DLC1: variants seen among roughly 807,000 people sequenced by gnomAD.
DLC1 encodes rho GTPase-activating protein 7.
DLC1 carries 54 observed loss-of-function variants against 140.3 expected under a neutral mutation model. The observed-to-expected ratio is 0.38, with a 90% confidence interval of 0.31 to 0.48. DLC1 has a LOEUF of 0.48. Ranked by LOEUF, DLC1 falls within the 20% of genes least tolerant of loss-of-function variation. The pLI, the probability that DLC1 is intolerant of heterozygous loss-of-function variation, is 0.96. For missense variants in DLC1, 2,536 were observed against 1,907.0 expected (o/e 1.33, Z -6.14); for synonymous variants, 986 against 728.1 (o/e 1.35, Z -5.70).
chr8:13,249,541 G>A (rs906123487), intron 5 of DLC1, among the ~76,000 whole-genome samples: 1 of 151,932 alleles, frequency 6.6e-6, no homozygotes, highest in African/African-American at 2.4e-5. Flanking sequence ...CCTAGCCAAG[G>A]CTCTCTTCAC....
At chr8:13,330,279 G>A (rs1034133121) in intron 4 of DLC1, among the ~76,000 whole-genome samples, 12 of 152,142 alleles carry the variant, frequency 7.9e-5, no homozygotes, top group African/African-American at 2.9e-4. Flanking sequence ...AAATAAGACC[G>A]ATTTTTTGCC....
intron 5 of DLC1, among the ~76,000 whole-genome samples, chr8:13,213,685 C>T (rs1828055165): frequency 6.6e-6 from 1 of 152,056 alleles, no homozygotes; most frequent in South Asian, 2.1e-4. Context: ...TTAGCCATGT[C>T]TGCTGTATGG....
chr8:13,481,228 C>A lies in DLC1; in HGVS notation c.1023+17821G>T, dbSNP rs138788354. ...TCACTTGAGCTCAAGAGTTTGAGACCAGCCTGGGCAATATGACAAAACCCC... is the reference window on the plus strand; with the variant it reads ...TCACTTGAGCTCAAGAGTTTGAGACAAGCCTGGGCAATATGACAAAACCCC... On this transcript the variant is annotated intron_variant, in intron 2 of 17. Coordinates refer to ENST00000276297, the MANE Select transcript of DLC1 (RefSeq NM_182643.3). 7.7e-4 allele frequency among the ~76,000 whole-genome samples: 117 copies of A among 152,216 alleles called. 4 individuals are homozygous for A. In the East Asian group the frequency reaches 0.022, roughly 28 times the overall value.
intron 4 of DLC1, chr8:13,341,841 A>C (rs1671347): frequency 6.6e-6 from 1 of 152,022 alleles, no homozygotes; most frequent in Non-Finnish European, 1.5e-5. Context: ...GCCAAAGTGT[A>C]GGCGATAAAA....
chr8:13,367,598 T>A (rs1241435889), intron 4 of DLC1, among the ~76,000 whole-genome samples: 3 of 152,234 alleles, frequency 2.0e-5, no homozygotes, highest in Non-Finnish European at 4.4e-5. Flanking sequence ...GGGTGTGTTT[T>A]CTTTACATAG....
At chr8:13,439,010 A>G (rs1793774847) in intron 2 of DLC1, among the ~76,000 whole-genome samples, 1 of 152,212 alleles carries the variant, frequency 6.6e-6, no homozygotes, top group East Asian at 1.9e-4. Flanking sequence ...TTGTGCCTGT[A>G]TTCCAATAAA....
intron 1 of DLC1, among the ~76,000 whole-genome samples, chr8:13,573,408 G>A (rs574342421): frequency 6.6e-6 from 1 of 152,254 alleles, no homozygotes; most frequent in Non-Finnish European, 1.5e-5. Context: ...ATCTACAACA[G>A]AGATAATTTT....
chr8:13,201,602 C>A (rs574257267), intron 5 of DLC1, among the ~76,000 whole-genome samples: 2 of 151,936 alleles, frequency 1.3e-5, no homozygotes, highest in Admixed American at 6.6e-5. Context: ...TATTTAAGTA[C>A]TATTGCAATT....
intron 5 of DLC1, among the ~76,000 whole-genome samples, chr8:13,157,760 C>G (rs2128982315): frequency 6.6e-6 from 1 of 152,214 alleles, no homozygotes; most frequent in East Asian, 1.9e-4. Flanking sequence ...CTTTCACACT[C>G]TGCATGGAAA....
At chr8:13,546,441 A>G (rs566143905) in intron 1 of DLC1, among the ~76,000 whole-genome samples, 1 of 152,236 alleles carries the variant, frequency 6.6e-6, no homozygotes, top group African/African-American at 2.4e-5. Flanking sequence ...TTTATATTGA[A>G]CTTAACAAAG....
Position 13,083,880 on chromosome 8 carries a change from G to A in DLC1, c.*1931C>T, listed in dbSNP as rs555020623. 6.6e-6 allele frequency: 1 copy of A among 152,658 alleles called. No homozygotes were observed. Among genetic ancestry groups the A allele is most frequent in the Non-Finnish European group, 1.5e-5 (1 of 68,028 alleles). The allele number at this position is 152,658 out of a possible 1,614,324, so 9.5% of individuals were successfully genotyped here. A position where few individuals can be genotyped will look rare whatever the true frequency, so the allele number is the denominator to read the frequency against. On this transcript the variant is annotated 3_prime_UTR_variant, in exon 18 of 18. Transcript: ENST00000276297. ...TTTGCAATCTGTGGTTTTAAGGGTG[G>A]GAGTGAGATGCAATATTAAGGAAGG...
intron 5 of DLC1, among the ~76,000 whole-genome samples, chr8:13,261,810 C>T (rs1830480889): frequency 6.6e-6 from 1 of 152,132 alleles, no homozygotes; most frequent in Admixed American, 6.5e-5. Flanking sequence ...CAATTTTTGA[C>T]ATGTTATGTG....
chr8:13,379,669 G>C (rs185898177), intron 4 of DLC1, among the ~76,000 whole-genome samples: 119 of 152,094 alleles, frequency 7.8e-4, no homozygotes, highest in African/African-American at 2.7e-3. Context: ...CAAGTTCTGG[G>C]GTACATGTGC....
At chr8:13,555,716 G>A (rs974393479) in intron 1 of DLC1, among the ~76,000 whole-genome samples, 1 of 151,190 alleles carries the variant, frequency 6.6e-6, no homozygotes, top group African/African-American at 2.4e-5. Flanking sequence ...TGGCCAGGCT[G>A]GTCTCAAACT....
chr8:13,247,682 T>G (rs1829825006), intron 5 of DLC1, among the ~76,000 whole-genome samples: 1 of 152,228 alleles, frequency 6.6e-6, no homozygotes, highest in Non-Finnish European at 1.5e-5. Context: ...TATGCTTAAC[T>G]GCCCTAACAC....
In DLC1 at chr8:13,499,952, C is replaced by T. The variant is rs778635590; in HGVS notation, c.120G>A (p.Leu40=). ...ACHHGLVADS[L]QASMEKDATL... ...TTGCATCTTTTTCCATACTTGCCTG[C>T]AAGCTGTCAGCTACTAGTCCATGAT... Residue 40 remains leucine, a synonymous_variant, in exon 2 of 18, where the codon TTG becomes TTA. Coordinates refer to ENST00000276297, the MANE Select transcript of DLC1 (RefSeq NM_182643.3). The T allele has an allele frequency of 1.6e-5, 26 of 1,613,978 alleles. No homozygotes were observed. Among genetic ancestry groups the T allele is most frequent in the African/African-American group, 2.7e-5 (2 of 74,922 alleles).
In DLC1 at chr8:13,092,843, T is replaced by C; in HGVS notation, c.3527-18A>G. 39 of 1,605,186 alleles carry C rather than the reference T, an allele frequency of 2.4e-5. No homozygotes were observed. Among genetic ancestry groups the C allele is most frequent in the Non-Finnish European group, 3.2e-5 (38 of 1,174,280 alleles). On this transcript the variant is annotated intron_variant, in intron 12 of 17. Coordinates refer to ENST00000276297, the MANE Select transcript of DLC1 (RefSeq NM_182643.3). ...GGGCACATCTGCACGACACCAGCAC[T>C]TTCTCCATCAGCTTGGTGAATTTGC... is the stretch of plus-strand genomic sequence containing the variant.
intron 2 of DLC1, among the ~76,000 whole-genome samples, chr8:13,471,798 G>T (rs940411823): frequency 1.3e-5 from 2 of 152,158 alleles, no homozygotes; most frequent in Non-Finnish European, 2.9e-5. Flanking sequence ...TCCCTGGAAT[G>T]CTTCCTGGCA....
At chr8:13,382,814 T>C (rs1291409529) in intron 4 of DLC1, among the ~76,000 whole-genome samples, 1 of 152,142 alleles carries the variant, frequency 6.6e-6, no homozygotes, top group Admixed American at 6.5e-5. Context: ...ACAGATCCCA[T>C]ACATTAAAAA....
Sources: allele counts gnomAD v4.1 joint callset (sites outside exome capture counted in the v4.1 genomes callset), GRCh38; gene constraint gnomAD v4.1.1; transcripts MANE v1.5; gene names NCBI Gene and HGNC (gene_info 2026-07-23, HGNC 2026-07-21).